The following CDC40 variants were observed in gnomAD, a reference collection of about 807,000 sequenced individuals.
CDC40 encodes the protein pre-mRNA-processing factor 17.
Under a neutral mutation model 80.6 loss-of-function variants are expected in CDC40, and 27 were observed. The observed-to-expected ratio is 0.33, with a 90% CI of 0.25 to 0.46. CDC40 has a LOEUF of 0.46. Among genes scored for constraint, CDC40 ranks in the 20% least tolerant of loss-of-function variants. CDC40 has a pLI of 1.00. For synonymous variants in CDC40, 221 were observed against 232.6 expected (o/e 0.95, Z 0.45); for missense variants, 486 against 694.1 (o/e 0.70, Z 3.37).
Position 110,230,110 on chromosome 6 carries a change from T to G in CDC40, c.1719T>G (p.Gly573=), listed in dbSNP as rs1306686079. 1 of 1,611,148 alleles carries G rather than the reference T, an allele frequency of 6.2e-7. No homozygotes were observed. The highest frequency in any genetic ancestry group is 8.5e-7 in the Non-Finnish European group (1 of 1,177,808). ...AGGTCATAACATGTGGTTGGGATGGTCTCATTAAATTGTGGGATTAATGAG... is the reference window on the plus strand; with the variant it reads ...AGGTCATAACATGTGGTTGGGATGGGCTCATTAAATTGTGGGATTAATGAG... ...TSKVITCGWD[G]LIKLWD The change falls in exon 15 of 15, where the codon GGT becomes GGG. Residue 573 remains glycine (G), a synonymous_variant. Coordinates refer to ENST00000307731, the MANE Select transcript of CDC40 (RefSeq NM_015891.3).
chr6:110,208,786 G>A (rs1037103754), intron 4 of CDC40, among the ~76,000 whole-genome samples: 1 of 152,262 alleles, frequency 6.6e-6, no homozygotes, highest in Middle Eastern at 3.4e-3. Context: ...AGGCTTGTGC[G>A]CCATTGTAGG....
intron 1 of CDC40, among the ~76,000 whole-genome samples, chr6:110,187,764 A>G (rs574117139): frequency 6.6e-6 from 1 of 152,352 alleles, no homozygotes; most frequent in African/African-American, 2.4e-5. Flanking sequence ...TTATTCTCAA[A>G]TTACTTTGAA....
chr6:110,212,252 G>C lies in CDC40; in HGVS notation c.847G>C (p.Val283Leu), dbSNP rs757888735. The C allele has an allele frequency of 5.0e-6, 8 of 1,614,058 alleles. No homozygotes were observed. The South Asian group carries it at 8.8e-5, about 18-fold the overall frequency. ...TTATCTTCCCAAAAAACAAATTCAT[G>C]TGTGGTCTGGACACACAAAGGTAAG... is the stretch of plus-strand genomic sequence containing the variant. ...KCYLPKKQIH[V>L]WSGHTKGVSA... The change falls in exon 7 of 15, where the codon GTG becomes CTG. Residue 283 changes from valine to leucine, a missense_variant. By Grantham distance (32) the Val-to-Leu change is conservative. Transcript: ENST00000307731.
At chr6:110,226,053 A>G (rs985875277) in intron 12 of CDC40, 114 bp from the exon 13 acceptor site, 40 of 632,610 alleles carry the variant, frequency 6.3e-5, no homozygotes, top group Non-Finnish European at 1.1e-4. Flanking sequence ...GATTTATTAA[A>G]TATATAATAT....
chr6:110,214,973 GAAC>G (rs1274642648), intron 8 of CDC40, among the ~76,000 whole-genome samples: 1 of 152,104 alleles, frequency 6.6e-6, no homozygotes, highest in African/African-American at 2.4e-5. Flanking sequence ...AAATAGAAAA[GAAC>G]AATATGAAAA....
intron 2 of CDC40, 66 bp downstream of exon 2, chr6:110,193,334 G>A (rs2114651609): frequency 1.1e-6 from 1 of 902,078 alleles, no homozygotes; most frequent in Admixed American, 2.0e-5. Flanking sequence ...ATAATTAGGT[G>A]CAGCAGTGAA....
At position 110,209,109 on chromosome 6, in the gene CDC40, G is replaced by C. The variant is rs1270729502; in HGVS notation, c.516G>C (p.Gln172His). ...GTTTAACTGTATTTGAAACTGGTCA[G>C]AAGAAAACAGAAAAGAGGAAAAAGT... ...NQGLTVFETGQKKTEKRKKFK... is the reference protein window; with the variant it reads ...NQGLTVFETGHKKTEKRKKFK... Residue 172 changes from glutamine (Q) to histidine (H), a missense_variant, in exon 5 of 15, where the codon CAG (glutamine) becomes CAC (histidine). Transcript: ENST00000307731. 6.3e-7 allele frequency: 1 copy of C among 1,591,502 alleles called. No individual in the cohort carries two copies. Among genetic ancestry groups the C allele is most frequent in the Non-Finnish European group, 8.6e-7 (1 of 1,161,362 alleles).
intron 2 of CDC40, among the ~76,000 whole-genome samples, chr6:110,197,239 T>C (rs1777429791): frequency 6.6e-6 from 1 of 152,218 alleles, no homozygotes; most frequent in Admixed American, 6.5e-5. Flanking sequence ...TACTTTTCTC[T>C]TGGGAACATC....
At chr6:110,200,075 A>G (rs1465834117) in intron 2 of CDC40, among the ~76,000 whole-genome samples, 2 of 152,302 alleles carry the variant, frequency 1.3e-5, no homozygotes, top group Middle Eastern at 3.4e-3. Context: ...AAGGACTAAT[A>G]TGGGCTGCAA....
chr6:110,217,260 T>G (rs563331277), intron 9 of CDC40, among the ~76,000 whole-genome samples: 1 of 152,336 alleles, frequency 6.6e-6, no homozygotes, highest in Admixed American at 6.5e-5. Flanking sequence ...TTGGGGCACT[T>G]TGTTTTCACT....
chr6:110,201,501 C>G, intron 2 of CDC40, 57 bp from the exon 3 acceptor site: 1 of 1,358,054 alleles, frequency 7.4e-7, no homozygotes, highest in Non-Finnish European at 1.0e-6. Context: ...CTTCCATATA[C>G]TCAGAACTTT....
intron 13 of CDC40, among the ~76,000 whole-genome samples, chr6:110,226,845 C>T (rs1032944095): frequency 3.3e-5 from 5 of 151,980 alleles, no homozygotes; most frequent in Non-Finnish European, 7.4e-5. Flanking sequence ...AGAGAGACCT[C>T]ATCTCTACAA....
At chr6:110,192,130 T>G (rs929908070) in intron 1 of CDC40, among the ~76,000 whole-genome samples, 8 of 152,130 alleles carry the variant, frequency 5.3e-5, no homozygotes, top group African/African-American at 1.9e-4. Flanking sequence ...AGGAGTAGCA[T>G]AACCTGACTA....
At chr6:110,190,070 CT>C (rs1425293624) in intron 1 of CDC40, among the ~76,000 whole-genome samples, 1 of 152,190 alleles carries the variant, frequency 6.6e-6, no homozygotes, top group Non-Finnish European at 1.5e-5. Flanking sequence ...GCCCTGCGTT[CT>C]ACTGGGCAGT....
chr6:110,189,514 A>G (rs542406035), intron 1 of CDC40, among the ~76,000 whole-genome samples: 9 of 152,282 alleles, frequency 5.9e-5, no homozygotes, highest in African/African-American at 2.2e-4. Context: ...ATGATTCCCA[A>G]CACCTCCAAA....
chr6:110,194,431 G>A (rs1375911216), intron 2 of CDC40, among the ~76,000 whole-genome samples: 1 of 152,122 alleles, frequency 6.6e-6, no homozygotes, highest in Non-Finnish European at 1.5e-5. Flanking sequence ...TTCCTGCCTA[G>A]GTTTCTGTAT....
Position 110,180,486 on chromosome 6 carries a change from G to A in CDC40, c.42G>A (p.Ser14=). ...AIAALAASYG[S]GSGSESDSDS... The stretch of plus-strand genomic sequence containing the variant: ...CAGCTCTGGCCGCTTCCTATGGTTC[G>A]GGTTCAGGGTCCGAATCGGACTCGG... The change falls in exon 1 of 15, where the codon TCG becomes TCA. Residue 14 remains serine (S), a synonymous_variant. Coordinates refer to ENST00000307731, the MANE Select transcript of CDC40 (RefSeq NM_015891.3). 2.5e-6 allele frequency: 4 copies of A among 1,614,170 alleles called. No homozygotes were observed. Among genetic ancestry groups the A allele is most frequent in the Middle Eastern group, 1.6e-4 (1 of 6,062 alleles).
chr6:110,206,629 A>G (rs1777565933), intron 3 of CDC40, among the ~76,000 whole-genome samples: 1 of 152,250 alleles, frequency 6.6e-6, no homozygotes, highest in South Asian at 2.1e-4. Flanking sequence ...TTAAGGAAAT[A>G]TAAAGAATGA....
At chr6:110,228,273 G>A (rs987860463) in intron 13 of CDC40, among the ~76,000 whole-genome samples, 2 of 152,188 alleles carry the variant, frequency 1.3e-5, no homozygotes, top group South Asian at 2.1e-4. Flanking sequence ...TTGTTAAGTG[G>A]TGCATGACTA....
Sources: gnomAD v4.1 joint callset for allele counts (sites outside exome capture counted in the v4.1 genomes callset) on GRCh38, gnomAD v4.1.1 for gene constraint, MANE v1.5 for transcripts, NCBI Gene and HGNC (gene_info 2026-07-23, HGNC 2026-07-21) for gene names.